Variants in PRAG1 observed in about 807,000 individuals in gnomAD.
PRAG1 encodes inactive tyrosine-protein kinase PRAG1.
A neutral mutation model predicts 95.6 loss-of-function variants in PRAG1; 110 were observed. The observed-to-expected ratio is 1.15, with a 90% CI of 0.99 to 1.35. The LOEUF (loss-of-function observed/expected upper bound fraction) is 1.35, where lower values mean the gene tolerates loss of function less well. PRAG1 is among the 40% of genes most tolerant of loss of function. The probability of loss-of-function intolerance (pLI) is 0.00; values close to 1 mark genes in which losing one functional copy is unlikely to be tolerated. For missense variants in PRAG1, 2,554 were observed against 1,864.7 expected (o/e 1.37, Z -6.81); for synonymous variants, 1,052 against 819.4 (o/e 1.28, Z -4.85).
intron 3 of PRAG1, among the ~76,000 whole-genome samples, chr8:8,346,794 T>C (rs1347096447): frequency 6.6e-6 from 1 of 152,200 alleles, no homozygotes; most frequent in Non-Finnish European, 1.5e-5. Flanking sequence ...TTGAGGCCGA[T>C]TTTCATTCTC....
At chr8:8,323,419 G>T (rs1798533820) in intron 5 of PRAG1, among the ~76,000 whole-genome samples, 1 of 150,922 alleles carries the variant, frequency 6.6e-6, no homozygotes, top group African/African-American at 2.4e-5. Context: ...CTGGCTTCAA[G>T]TGATTCTCCT....
chr8:8,365,496 T>C (rs1364929724), intron 3 of PRAG1, among the ~76,000 whole-genome samples: 1 of 151,854 alleles, frequency 6.6e-6, no homozygotes, highest in Admixed American at 6.6e-5. Context: ...TGGTGGCAGG[T>C]GCCTGTAATT....
chr8:8,342,996 T>C (rs1177720929), intron 3 of PRAG1, among the ~76,000 whole-genome samples: 1 of 152,108 alleles, frequency 6.6e-6, no homozygotes, highest in East Asian at 1.9e-4. Context: ...AACTCACATC[T>C]TTGCAACCCG....
intron 5 of PRAG1, among the ~76,000 whole-genome samples, chr8:8,323,969 T>C (rs1326465516): frequency 6.6e-6 from 1 of 152,220 alleles, no homozygotes; most frequent in Non-Finnish European, 1.5e-5. Flanking sequence ...ACGGTATTTA[T>C]CTCAAAGCAT....
chr8:8,328,777 C>T (rs1254762047), intron 4 of PRAG1, among the ~76,000 whole-genome samples: 1 of 128,530 alleles, frequency 7.8e-6, no homozygotes, highest in Non-Finnish European at 1.5e-5. Context: ...CACGCGTGCG[C>T]ACACACACAC....
intron 3 of PRAG1, among the ~76,000 whole-genome samples, chr8:8,359,320 T>G (rs1799776524): frequency 6.6e-6 from 1 of 152,234 alleles, no homozygotes; most frequent in Admixed American, 6.5e-5. Context: ...GAGTTGTTTT[T>G]GTTAATCTTA....
At chr8:8,351,417 A>C (rs909482362) in intron 3 of PRAG1, among the ~76,000 whole-genome samples, 1 of 152,232 alleles carries the variant, frequency 6.6e-6, no homozygotes, top group African/African-American at 2.4e-5. Context: ...GATCCAAACC[A>C]TATGACTGAG....
chr8:8,332,120 T>C (rs939182034), intron 4 of PRAG1, among the ~76,000 whole-genome samples: 2 of 151,906 alleles, frequency 1.3e-5, no homozygotes, highest in African/African-American at 4.8e-5. Context: ...CCCTGAAATG[T>C]GGACTTCACA....
Position 8,377,012 on chromosome 8 carries a change from G to C in PRAG1, c.1397C>G (p.Pro466Arg), listed in dbSNP as rs758853141. The change falls in exon 3 of 6, where the codon CCA (proline) becomes CGA (arginine). Residue 466 changes from proline to arginine, a missense_variant. By Grantham distance (103) the Pro-to-Arg change is moderately radical (BLOSUM62 -2). Transcript: ENST00000615670. ...GATGGTGGCTGACACCTGGGGAGTT[G>C]GGTCTGGGCTGTCCCGGCCCCAGCC... ...ASGWGRDSPD[P>R]TPQVSATITV... The C allele has an allele frequency of 6.2e-7, 1 of 1,613,842 alleles. No individual in the cohort carries two copies. The highest frequency in any genetic ancestry group is 8.5e-7 in the Non-Finnish European group (1 of 1,179,956).
In PRAG1 at chr8:8,328,084, C is replaced by A. The variant is rs781265350; in HGVS notation, c.2698G>T (p.Gly900Cys). ...GHWLPAAGLA[G>C]NRGGCGSPGL... ...GGGCTCCCGCAGCCGCCTCTGTTGC[C>A]CGCCAGCCCTGCTGCCGGAAGCCAG... The change falls in exon 5 of 6, where the codon GGC (glycine) becomes TGC (cysteine). Residue 900 changes from glycine (G) to cysteine (C), a missense_variant. Gly to Cys is a radical substitution (Grantham distance 159, BLOSUM62 -3). Coordinates refer to ENST00000615670, the MANE Select transcript of PRAG1 (RefSeq NM_001080826.3). 5 of 1,607,986 alleles carry A rather than the reference C, an allele frequency of 3.1e-6. No individual in the cohort carries two copies. The highest frequency in any genetic ancestry group is 4.3e-6 in the Non-Finnish European group (5 of 1,175,968).
At chr8:8,384,534 T>C (rs1317644018) in intron 1 of PRAG1, among the ~76,000 whole-genome samples, 1 of 145,426 alleles carries the variant, frequency 6.9e-6, no homozygotes, top group Non-Finnish European at 1.5e-5. Context: ...GGCTTCCCAC[T>C]GTCATTGACT....
intron 3 of PRAG1, chr8:8,374,734 G>C (rs1195596941): frequency 3.0e-6 from 3 of 984,608 alleles, no homozygotes; most frequent in Non-Finnish European, 2.4e-6. Flanking sequence ...GAAGATGTCT[G>C]TTCTCCATGG....
At chr8:8,350,063 C>T (rs1169783810) in intron 3 of PRAG1, among the ~76,000 whole-genome samples, 2 of 151,804 alleles carry the variant, frequency 1.3e-5, no homozygotes, top group Non-Finnish European at 2.9e-5. Flanking sequence ...GGAAGTGTAC[C>T]CTGATTATAT....
At chr8:8,353,585 A>G (rs971818609) in intron 3 of PRAG1, among the ~76,000 whole-genome samples, 1 of 152,202 alleles carries the variant, frequency 6.6e-6, no homozygotes, top group African/African-American at 2.4e-5. Context: ...ATAGCAATAA[A>G]TGCCTTCATT....
At chr8:8,324,303 T>A (rs1320631697) in intron 5 of PRAG1, among the ~76,000 whole-genome samples, 1 of 152,170 alleles carries the variant, frequency 6.6e-6, no homozygotes, top group African/African-American at 2.4e-5. Context: ...GGAGCTCCAG[T>A]CAGGCTGCTG....
At chr8:8,361,996 G>A (rs777670769) in intron 3 of PRAG1, among the ~76,000 whole-genome samples, 1 of 152,168 alleles carries the variant, frequency 6.6e-6, no homozygotes, top group Non-Finnish European at 1.5e-5. Context: ...TAATTCTAGA[G>A]ACTTCTTGTC....
intron 3 of PRAG1, among the ~76,000 whole-genome samples, chr8:8,361,278 C>A (rs574185427): frequency 6.6e-6 from 1 of 152,254 alleles, no homozygotes; most frequent in African/African-American, 2.4e-5. Flanking sequence ...CTATCTCCTG[C>A]TGAAGTCCTT....
rs774988770 is a variant in PRAG1 at position 8,318,184 on chromosome 8, T to A, written c.4191A>T (p.Leu1397Phe). ...GAAGCTGCAGGAGCTTCAGCGACTGTAAGAGGGCCCCGGGCTCCGCAGACG... is the reference window on the plus strand; with the variant it reads ...GAAGCTGCAGGAGCTTCAGCGACTGAAAGAGGGCCCCGGGCTCCGCAGACG... ...YLASAEPGAL[L>F]QSLKLLQLL The change falls in exon 6 of 6, where the codon TTA becomes TTT. Residue 1397 changes from leucine to phenylalanine, a missense_variant. Leu to Phe is a conservative substitution (Grantham distance 22, BLOSUM62 0). Coordinates refer to ENST00000615670, the MANE Select transcript of PRAG1 (RefSeq NM_001080826.3). This position sits in a 1 kb window ranked among gnomAD's most constrained non-coding sequence, Gnocchi z 4.2. The A allele has an allele frequency of 6.2e-7, 1 of 1,613,806 alleles. No homozygotes were observed. The highest frequency in any genetic ancestry group is 8.5e-7 in the Non-Finnish European group (1 of 1,179,934).
In PRAG1 at chr8:8,377,545, G is replaced by C. The variant is rs11988457; in HGVS notation, c.864C>G (p.Cys288Trp). Residue 288 changes from cysteine to tryptophan, a missense_variant, in exon 3 of 6, where the codon TGC becomes TGG. Coordinates refer to ENST00000615670, the MANE Select transcript of PRAG1 (RefSeq NM_001080826.3). Reference protein sequence around the residue: ...RHGGRDCSPTCWEQGKCSGPA... With the variant: ...RHGGRDCSPTWWEQGKCSGPA... ...GCCCGGAACACTTCCCCTGCTCCCA[G>C]CACGTGGGTGAGCAGTCCCTGCCAC... 1.3e-3 allele frequency: 2,108 copies of C among 1,598,692 alleles called. 18 individuals are homozygous for C. The African/African-American group carries it at 0.019, about 14-fold the overall frequency.
Sources: allele counts gnomAD v4.1 joint callset (sites outside exome capture counted in the v4.1 genomes callset), GRCh38; gene constraint gnomAD v4.1.1; non-coding constraint Gnocchi (gnomAD v3.1); transcripts MANE v1.5; gene names NCBI Gene and HGNC (gene_info 2026-07-23, HGNC 2026-07-21).